COL4A1: variants seen among roughly 807,000 people sequenced by gnomAD.
COL4A1 encodes collagen alpha-1(IV) chain.
In COL4A1, 40 loss-of-function variants were observed where a neutral mutation model predicts 216.6. The observed-to-expected ratio is 0.18, with a 90% CI of 0.14 to 0.24. The LOEUF (loss-of-function observed/expected upper bound fraction) is 0.24. Among genes scored for constraint, COL4A1 ranks in the 10% least tolerant of loss-of-function variants. The pLI, the probability that COL4A1 is intolerant of heterozygous loss-of-function variation, is 1.00. For synonymous variants in COL4A1, 839 were observed against 810.7 expected, an observed-to-expected ratio of 1.03 and a Z score of -0.59; for missense variants, 1,628 against 2,196.8, an observed-to-expected ratio of 0.74 and a Z score of 5.18.
In COL4A1 at chr13:110,178,106, G is replaced by A. The variant is rs975712950; in HGVS notation, c.2584C>T (p.Leu862Phe). Reference sequence around the variant, plus strand: ...CCAGGAGCCCCCTGCTGTCCAGGAAGGCCAGGGAGCCCCGACTGTCCCGTT... The same window carrying A: ...CCAGGAGCCCCCTGCTGTCCAGGAAAGCCAGGGAGCCCCGACTGTCCCGTT... ...GITGQSGLPG[L>F]PGQQGAPGIP... The change falls in exon 32 of 52, where the codon CTT becomes TTT. Residue 862 changes from leucine to phenylalanine, a missense_variant. Physicochemically the swap from Leu to Phe is conservative, Grantham distance 22 (BLOSUM62 0). This residue lies in a region of COL4A1 where 701 missense variants were observed against 892.5 expected (regional missense o/e 0.79). Coordinates refer to ENST00000375820, the MANE Select transcript of COL4A1 (RefSeq NM_001845.6). The A allele has an allele frequency of 3.1e-6, 5 of 1,614,144 alleles. No individual in the cohort carries two copies. In the Admixed American group the frequency reaches 6.7e-5, roughly 22 times the overall value.
At chr13:110,245,369 TC>T (rs1029897685) in intron 1 of COL4A1, among the ~76,000 whole-genome samples, 4 of 152,134 alleles carry the variant, frequency 2.6e-5, no homozygotes, top group Non-Finnish European at 4.4e-5. Flanking sequence ...CAGTGTTTCA[TC>T]CCCCTCCTAC....
At chr13:110,249,483 C>T (rs376124713) in intron 1 of COL4A1, among the ~76,000 whole-genome samples, 71 of 152,232 alleles carry the variant, frequency 4.7e-4, no homozygotes, top group African/African-American at 1.5e-3. Flanking sequence ...CCAGCTACAG[C>T]ACCCGCAGCA....
chr13:110,240,530 G>A (rs1881517057), intron 2 of COL4A1, among the ~76,000 whole-genome samples: 2 of 152,272 alleles, frequency 1.3e-5, no homozygotes, highest in Admixed American at 1.3e-4. Flanking sequence ...CAGGGCGCAA[G>A]CCCCACGCAG....
chr13:110,223,720 A>AT (rs1880610380), intron 2 of COL4A1, among the ~76,000 whole-genome samples: 2 of 152,320 alleles, frequency 1.3e-5, no homozygotes, highest in South Asian at 4.1e-4. Context: ...CCTTTATCTA[A>AT]TATGACAAAG....
At position 110,164,993 on chromosome 13, in the gene COL4A1, G is replaced by A. The variant is rs755797689; in HGVS notation, c.4022-3C>T. 6.2e-6 allele frequency: 10 copies of A among 1,603,422 alleles called. No individual in the cohort carries two copies. The South Asian group carries it at 9.0e-5, about 14-fold the overall frequency. ...GGGGCCAGGAGGACCCGGGAGACCT[G>A]TGGGAATAGGGAAGGCATTGATCAA... On this transcript the variant is annotated splice_polypyrimidine_tract_variant and splice_region_variant and intron_variant, in intron 45 of 51. Coordinates refer to ENST00000375820, the MANE Select transcript of COL4A1 (RefSeq NM_001845.6).
chr13:110,260,330 G>T (rs1882765019), intron 1 of COL4A1, among the ~76,000 whole-genome samples: 1 of 152,142 alleles, frequency 6.6e-6, no homozygotes, highest in Non-Finnish European at 1.5e-5. Flanking sequence ...GAACAGTATG[G>T]GGTAGACTGC....
At chr13:110,236,564 G>A (rs559893438) in intron 2 of COL4A1, among the ~76,000 whole-genome samples, 49 of 152,332 alleles carry the variant, frequency 3.2e-4, no homozygotes, top group Admixed American at 1.0e-3. Flanking sequence ...GGCACAAGTC[G>A]ATGATCCTGA....
Position 110,162,193 on chromosome 13 carries a change from T to TACACAC in COL4A1, c.4462+36_4462+37insGTGTGT, listed in dbSNP as rs781715366. ...GCACACCGAAGGCACTCAACACACCTACACTGAATGAATGCATGGATCTGC... is the reference window on the plus strand; with the variant it reads ...GCACACCGAAGGCACTCAACACACCTACACACACACTGAATGAATGCATGGATCTGC... On this transcript the variant is annotated intron_variant, in intron 48 of 51. Transcript: ENST00000375820. 1.4e-5 allele frequency: 23 copies of TACACAC among 1,586,274 alleles called. No individual in the cohort carries two copies. The East Asian group carries it at 5.1e-4, about 35-fold the overall frequency.
intron 51 of COL4A1, among the ~76,000 whole-genome samples, 167 bp from the exon 52 acceptor site, chr13:110,150,611 C>T (rs758254249): frequency 3.3e-5 from 5 of 152,228 alleles, no homozygotes; most frequent in Non-Finnish European, 7.3e-5. Context: ...GCAGTGCACA[C>T]ACGGTCCCAC....
At chr13:110,255,281 G>A (rs1325727338) in intron 1 of COL4A1, among the ~76,000 whole-genome samples, 2 of 151,976 alleles carry the variant, frequency 1.3e-5, no homozygotes, top group Admixed American at 1.3e-4. Context: ...TATCCCATTC[G>A]CTGGATTTTG....
chr13:110,163,992 T>C (rs1455058876), intron 46 of COL4A1, among the ~76,000 whole-genome samples: 1 of 61,618 alleles, frequency 1.6e-5, no homozygotes, highest in African/African-American at 6.6e-5. Flanking sequence ...CTCTTTTTTT[T>C]TTTTTTTTTT....
At chr13:110,225,103 G>C (rs1462619051) in intron 2 of COL4A1, among the ~76,000 whole-genome samples, 1 of 152,048 alleles carries the variant, frequency 6.6e-6, no homozygotes, top group African/African-American at 2.4e-5. Context: ...CCTGCCAGGG[G>C]ACATCCAGGG....
chr13:110,258,617 T>C (rs1390745964), intron 1 of COL4A1, among the ~76,000 whole-genome samples: 1 of 152,204 alleles, frequency 6.6e-6, no homozygotes, highest in Non-Finnish European at 1.5e-5. Context: ...TTACACCAAC[T>C]ATGTGCCTCT....
intron 8 of COL4A1, 59 bp from the exon 9 acceptor site, chr13:110,210,271 T>A: frequency 6.5e-7 from 1 of 1,534,230 alleles, no homozygotes; most frequent in African/African-American, 1.4e-5. Flanking sequence ...GTAAAGAAGC[T>A]GAAAACTCTT....
intron 17 of COL4A1, among the ~76,000 whole-genome samples, chr13:110,203,941 GT>G (rs1330059635): frequency 5.9e-5 from 9 of 152,222 alleles, no homozygotes; most frequent in Admixed American, 5.9e-4. Flanking sequence ...GGCAACCAGG[GT>G]TTTTCAATTT....
rs12869391 is a variant in COL4A1, at chr13:110,209,070, T to A, written c.652-180A>T. 0.26 allele frequency among the ~76,000 whole-genome samples: 40,167 copies of A among 152,024 alleles called. 5,486 individuals are homozygous for A. The highest frequency in any genetic ancestry group is 0.32 in the Admixed American group (4,874 of 15,280). ...CTGAATTCAATGTCTATGAAAAAGTTTTTAAAGTATGACTGATCAAAAATT... is the reference window on the plus strand; with the variant it reads ...CTGAATTCAATGTCTATGAAAAAGTATTTAAAGTATGACTGATCAAAAATT... On this transcript the variant is annotated intron_variant, in intron 11 of 51. Transcript: ENST00000375820.
At chr13:110,223,302 T>A (rs7320699) in intron 2 of COL4A1, among the ~76,000 whole-genome samples, 1 of 152,216 alleles carries the variant, frequency 6.6e-6, no homozygotes, top group Non-Finnish European at 1.5e-5. Flanking sequence ...TCTTCTTTGG[T>A]CTTCTTCCAC....
At chr13:110,246,091 T>C (rs1025305396) in intron 1 of COL4A1, among the ~76,000 whole-genome samples, 1 of 152,006 alleles carries the variant, frequency 6.6e-6, no homozygotes, top group African/African-American at 2.4e-5. Flanking sequence ...TCTAAGATCA[T>C]GATTTTTGTG....
At chr13:110,181,187 C>T in intron 29 of COL4A1, 105 bp downstream of exon 29, 1 of 1,076,816 alleles carries the variant, frequency 9.3e-7, no homozygotes, top group Non-Finnish European at 1.4e-6. Context: ...AAACAAAAAT[C>T]TGCTGGCCCA....
Sources: allele counts gnomAD v4.1 joint callset (sites outside exome capture counted in the v4.1 genomes callset), GRCh38; gene constraint gnomAD v4.1.1; regional missense constraint gnomAD v4.1.1; transcripts MANE v1.5; gene names NCBI Gene and HGNC (gene_info 2026-07-23, HGNC 2026-07-21).